Variants in STAG1 observed in about 807,000 individuals in gnomAD.
STAG1 encodes the protein STAG1 cohesin complex component.
STAG1 carries 26 observed loss-of-function variants against 170.9 expected under a neutral mutation model. That is an observed-to-expected ratio of 0.15 (90% confidence interval 0.11 to 0.21). The LOEUF is 0.21. STAG1 is among the 10% of genes least tolerant of loss of function. STAG1 has a pLI of 1.00. For missense variants in STAG1, 964 were observed against 1,509.5 expected, an observed-to-expected ratio of 0.64 and a Z score of 5.99; for synonymous variants, 514 against 497.7, an observed-to-expected ratio of 1.03 and a Z score of -0.44.
At chr3:136,500,376 G>C in intron 8 of STAG1, 80 bp from the exon 9 acceptor site, 1 of 976,134 alleles carries the variant, frequency 1.0e-6, no homozygotes, top group Non-Finnish European at 1.5e-6. Context: ...TTTAATTCCT[G>C]GTTATTTTCA....
At chr3:136,397,455 CTTT>C (rs34980781) in intron 22 of STAG1, among the ~76,000 whole-genome samples, 4 of 149,532 alleles carry the variant, frequency 2.7e-5, no homozygotes, top group Admixed American at 2.0e-4. Flanking sequence ...TTTTTTCTTT[CTTT>C]TTTTTTTACC....
intron 1 of STAG1, among the ~76,000 whole-genome samples, chr3:136,705,187 AAC>A (rs1559962126): frequency 6.6e-6 from 1 of 152,168 alleles, no homozygotes; most frequent in Non-Finnish European, 1.5e-5. Flanking sequence ...CAGCCTGGCC[AAC>A]ACAGTGAAAC....
At chr3:136,457,537 A>T (rs1209678985) in intron 13 of STAG1, among the ~76,000 whole-genome samples, 1 of 152,092 alleles carries the variant, frequency 6.6e-6, no homozygotes. Context: ...CGCAGCCTCC[A>T]TACCAGCGTT....
chr3:136,493,359 AC>A (rs1309323235), intron 9 of STAG1, among the ~76,000 whole-genome samples: 1 of 151,884 alleles, frequency 6.6e-6, no homozygotes, highest in Non-Finnish European at 1.5e-5. Flanking sequence ...ACCAAACCAA[AC>A]CAAAACAAAA....
At chr3:136,498,275 A>ACAC (rs1933261032) in intron 9 of STAG1, among the ~76,000 whole-genome samples, 1 of 95,944 alleles carries the variant, frequency 1.0e-5, no homozygotes, top group Admixed American at 1.2e-4. Flanking sequence ...CACACACACC[A>ACAC]CACACACATA....
intron 32 of STAG1, among the ~76,000 whole-genome samples, chr3:136,338,843 TG>T (rs1253282942): frequency 6.6e-6 from 1 of 152,142 alleles, no homozygotes; most frequent in Non-Finnish European, 1.5e-5. Context: ...TATTGGAAGG[TG>T]GGGGCAGGGA....
chr3:136,449,053 C>A (rs1039309062), intron 14 of STAG1, among the ~76,000 whole-genome samples: 1 of 152,112 alleles, frequency 6.6e-6, no homozygotes, highest in Non-Finnish European at 1.5e-5. Flanking sequence ...CAGAGTAGAG[C>A]ACAATTGGAA....
chr3:136,379,667 C>G (rs1156530453), intron 22 of STAG1, among the ~76,000 whole-genome samples: 1 of 152,154 alleles, frequency 6.6e-6, no homozygotes, highest in African/African-American at 2.4e-5. Context: ...CGAGACTGCG[C>G]CACTGCACCC....
intron 1 of STAG1, among the ~76,000 whole-genome samples, chr3:136,643,833 GA>G (rs111514273): frequency 4.6e-5 from 7 of 152,234 alleles, no homozygotes; most frequent in African/African-American, 1.4e-4. Context: ...GACAACTGAG[GA>G]AAGATGTTTG....
intron 9 of STAG1, among the ~76,000 whole-genome samples, chr3:136,498,864 A>T (rs1247635354): frequency 6.6e-6 from 1 of 152,200 alleles, no homozygotes; most frequent in African/African-American, 2.4e-5. Flanking sequence ...TTTCAAAAGA[A>T]CATTTTATTC....
Position 136,500,267 on chromosome 3 carries a change from A to G in STAG1, c.858T>C (p.Asn286=). 6.3e-7 allele frequency: 1 copy of G among 1,586,428 alleles called. No individual in the cohort carries two copies. The highest frequency in any genetic ancestry group is 8.6e-7 in the Non-Finnish European group (1 of 1,161,018). Residue 286 remains asparagine (N), a synonymous_variant, in exon 9 of 34, where the codon AAT becomes AAC. Coordinates refer to ENST00000383202, the MANE Select transcript of STAG1 (RefSeq NM_005862.3). The part of the protein sequence containing the change: ...ELQENQDEIE[N]MMNSIFKGIF... ...TACCCTTAAAAATAGAGTTCATCAT[A>G]TTTTCGATTTCATCCTGATTTTCTT...
At chr3:136,340,085 CTGT>C (rs1461669414) in intron 32 of STAG1, among the ~76,000 whole-genome samples, 4 of 152,214 alleles carry the variant, frequency 2.6e-5, no homozygotes, top group Non-Finnish European at 4.4e-5. Context: ...CAAATGCCCA[CTGT>C]TGTTGATCAG....
rs562146210 is a variant in STAG1, at chr3:136,559,076, A to G, written c.394+9689T>C. On this transcript the variant is annotated intron_variant, in intron 5 of 33. Transcript: ENST00000383202. ...ACTTTATATTCAGTCTTTTGTATAT[A>G]TAAGATGTCACAATTTAAAAGGATT... Among the ~76,000 whole-genome samples the G allele has an allele frequency of 3.9e-5, 6 of 152,276 alleles. No homozygotes were observed. In the South Asian group the frequency reaches 1.2e-3, roughly 32 times the overall value.
chr3:136,433,564 C>T lies in STAG1; in HGVS notation c.1642G>A (p.Gly548Ser), dbSNP rs868508999. 10 of 1,600,496 alleles carry T rather than the reference C, an allele frequency of 6.2e-6. No homozygotes were observed. The highest frequency in any genetic ancestry group is 2.3e-5 in the East Asian group (1 of 43,750). Residue 548 changes from glycine (G) to serine (S), a missense_variant, in exon 16 of 34, where the codon GGC (glycine) becomes AGC (serine). By Grantham distance (56) the Gly-to-Ser change is moderately conservative. This residue lies in a region of STAG1 where 232 missense variants were observed against 313.0 expected (regional missense o/e 0.74). Coordinates refer to ENST00000383202, the MANE Select transcript of STAG1 (RefSeq NM_005862.3). ...EAHPPVGRGTGKRVLTAKERK... is the reference protein window; with the variant it reads ...EAHPPVGRGTSKRVLTAKERK... ...TCACTAATGTAACTTACTCTCTTGC[C>T]GGTACCCCTTCCCACTGGAGGATGT...
chr3:136,547,411 T>C (rs143268796), intron 5 of STAG1, among the ~76,000 whole-genome samples: 136 of 152,224 alleles, frequency 8.9e-4, no homozygotes, highest in African/African-American at 2.9e-3. Flanking sequence ...ACTGTGACAC[T>C]TTCTCAGACT....
chr3:136,531,791 G>A (rs138225440), intron 6 of STAG1, among the ~76,000 whole-genome samples: 3,928 of 150,726 alleles, frequency 0.026, 82 homozygotes, highest in East Asian at 0.12. Flanking sequence ...GGATAGCATC[G>A]GGAGATATAC....
At chr3:136,358,910 A>G (rs528752761) in intron 27 of STAG1, among the ~76,000 whole-genome samples, 1 of 152,286 alleles carries the variant, frequency 6.6e-6, no homozygotes, top group Admixed American at 6.5e-5. Context: ...TCTTACTGAC[A>G]GACCAGACAA....
At chr3:136,453,358 G>A (rs111601782) in intron 13 of STAG1, among the ~76,000 whole-genome samples, 7 of 152,218 alleles carry the variant, frequency 4.6e-5, no homozygotes, top group East Asian at 3.9e-4. Context: ...TTGGGAGGCC[G>A]AGGCAGGCAG....
At chr3:136,536,102 G>A (rs1167823717) in intron 6 of STAG1, among the ~76,000 whole-genome samples, 1 of 152,038 alleles carries the variant, frequency 6.6e-6, no homozygotes, top group East Asian at 1.9e-4. Flanking sequence ...AGTAACCACT[G>A]ACATAAATGT....
Sources: gnomAD v4.1 joint callset for allele counts (sites outside exome capture counted in the v4.1 genomes callset) on GRCh38, gnomAD v4.1.1 for gene constraint, gnomAD v4.1.1 regional missense constraint, MANE v1.5 for transcripts, NCBI Gene and HGNC (gene_info 2026-07-23, HGNC 2026-07-21) for gene names.